TPRG1: variants seen among roughly 807,000 people sequenced by gnomAD.
The protein encoded by TPRG1 is tumor protein p63 regulated 1.
A neutral mutation model predicts 29.3 loss-of-function variants in TPRG1; 29 were observed. The ratio of observed to expected loss-of-function variants is 0.99; its 90% CI spans 0.74 to 1.35. The LOEUF (loss-of-function observed/expected upper bound fraction) is 1.35. Among genes scored for constraint, TPRG1 ranks in the 40% most tolerant of loss-of-function variants. The pLI, the probability that TPRG1 is intolerant of heterozygous loss-of-function variation, is 0.00. For synonymous variants in TPRG1, 130 were observed against 116.8 expected (o/e 1.11, Z -0.73); for missense variants, 327 against 335.0 (o/e 0.98, Z 0.19).
At chr3:189,265,417 C>T (rs976067882) in intron 4 of TPRG1, among the ~76,000 whole-genome samples, 1 of 152,136 alleles carries the variant, frequency 6.6e-6, no homozygotes, top group African/African-American at 2.4e-5. Flanking sequence ...ACATGACAAT[C>T]CTGTAAATTC....
chr3:189,045,357 A>G (rs1714910198), intron 4 of TPRG1, among the ~76,000 whole-genome samples: 1 of 152,238 alleles, frequency 6.6e-6, no homozygotes, highest in Admixed American at 6.5e-5. Flanking sequence ...TTGCTATTCA[A>G]CAATCATGGA....
At chr3:189,055,758 T>G (rs1442381138) in intron 4 of TPRG1, among the ~76,000 whole-genome samples, 1 of 152,126 alleles carries the variant, frequency 6.6e-6, no homozygotes, top group Non-Finnish European at 1.5e-5. Flanking sequence ...AAATTGGTAA[T>G]GAGGTCCAAG....
chr3:189,255,410 C>G (rs1165273995), intron 4 of TPRG1, among the ~76,000 whole-genome samples: 1 of 152,064 alleles, frequency 6.6e-6, no homozygotes, highest in Non-Finnish European at 1.5e-5. Context: ...TGATGTGCTG[C>G]TTGATTTGGT....
intron 1 of TPRG1, among the ~76,000 whole-genome samples, chr3:189,191,855 C>T (rs1364237395): frequency 6.6e-6 from 1 of 152,194 alleles, no homozygotes; most frequent in African/African-American, 2.4e-5. Flanking sequence ...GATCCTCTTT[C>T]AGGGAAGACT....
chr3:189,162,167 G>A (rs1727578524), intron 5 of TPRG1, among the ~76,000 whole-genome samples: 1 of 151,980 alleles, frequency 6.6e-6, no homozygotes, highest in Admixed American at 6.6e-5. Context: ...TAATTTTTTT[G>A]TAGTTTTTAG....
intron 4 of TPRG1, among the ~76,000 whole-genome samples, chr3:189,081,094 G>A (rs765576124): frequency 3.9e-5 from 6 of 152,260 alleles, no homozygotes; most frequent in Non-Finnish European, 7.4e-5. Flanking sequence ...TGGATAATTA[G>A]AAGAATAATT....
chr3:189,112,657 C>G lies in TPRG1; in HGVS notation c.-744+12453C>G, dbSNP rs56184957. Among the ~76,000 whole-genome samples, 12 of 152,026 alleles carry G rather than the reference C, an allele frequency of 7.9e-5. No homozygotes were observed. The East Asian group carries it at 1.9e-3, about 24-fold the overall frequency. ...AATCCTTTCCCCATTGCTTGTTTCT[C>G]TCAGGTTTGTCAAAGATCAGATAGT... is the stretch of plus-strand genomic sequence containing the variant. On this transcript the variant is annotated intron_variant, in intron 1 of 6. Coordinates refer to the TPRG1 transcript ENST00000412373.
chr3:189,152,637 C>G (rs4123569), intron 5 of TPRG1, among the ~76,000 whole-genome samples: 46,597 of 134,870 alleles, frequency 0.35, 10,185 homozygotes, highest in African/African-American at 0.6. Flanking sequence ...AAGTAGGATT[C>G]CTACCCGCCA....
intron 3 of TPRG1, among the ~76,000 whole-genome samples, chr3:189,236,037 T>C (rs1739407237): frequency 6.6e-6 from 1 of 152,216 alleles, no homozygotes; most frequent in Admixed American, 6.5e-5. Flanking sequence ...AATATGCAAT[T>C]TAATGTTTCT....
chr3:189,240,386 T>C (rs556269051), intron 4 of TPRG1: 5 of 152,282 alleles, frequency 3.3e-5, no homozygotes, highest in East Asian at 3.9e-4. Flanking sequence ...AAATAAATAG[T>C]CTATAAATAT....
At position 189,320,837 on chromosome 3, in the gene TPRG1, A is replaced by G. The variant is rs773616061; in HGVS notation, c.*17A>G. 1 of 1,536,150 alleles carries G rather than the reference A, an allele frequency of 6.5e-7. No homozygotes were observed. Among genetic ancestry groups the G allele is most frequent in the South Asian group, 1.3e-5 (1 of 77,018 alleles). On this transcript the variant is annotated 3_prime_UTR_variant, in exon 6 of 6. Transcript: ENST00000345063. The stretch of plus-strand genomic sequence containing the variant: ...GGTTTTTGAGAGTCTTTTTGGTACC[A>G]TAAGCATATCATCCACAGATATGTC...
rs780963311 is a variant in TPRG1, at chr3:189,207,516, G to C, written c.132G>C (p.Gln44His). 1 of 1,614,088 alleles carries C rather than the reference G, an allele frequency of 6.2e-7. No individual in the cohort carries two copies. ...EDPMPRQISR[Q>H]SSVTESTLYP... is the part of the protein sequence containing the mutation. ...CGATGCCAAGACAGATTTCAAGGCAGTCAAGTGTGACCGAATCAACTCTTT... is the reference window on the plus strand; with the variant it reads ...CGATGCCAAGACAGATTTCAAGGCACTCAAGTGTGACCGAATCAACTCTTT... Residue 44 changes from glutamine (Q) to histidine (H), a missense_variant, in exon 2 of 6, where the codon CAG (glutamine) becomes CAC (histidine). Transcript: ENST00000345063.
intron 4 of TPRG1, among the ~76,000 whole-genome samples, chr3:189,090,412 A>G (rs1718263505): frequency 6.9e-6 from 1 of 144,410 alleles, no homozygotes; most frequent in South Asian, 2.1e-4. Context: ...ATAGATATGC[A>G]AAGTGGAAAA....
At chr3:189,222,682 A>G (rs115072762) in intron 3 of TPRG1, among the ~76,000 whole-genome samples, 1,961 of 152,336 alleles carry the variant, frequency 0.013, 41 homozygotes, top group African/African-American at 0.045. Flanking sequence ...ATGTTCATGC[A>G]TAAGAATTTC....
intron 4 of TPRG1, among the ~76,000 whole-genome samples, chr3:189,252,105 G>C (rs979032051): frequency 2.6e-5 from 4 of 152,160 alleles, no homozygotes; most frequent in Admixed American, 6.6e-5. Context: ...TAAGGAGCAT[G>C]CTGCCTTCAA....
intron 4 of TPRG1, among the ~76,000 whole-genome samples, chr3:189,258,027 C>T (rs1712220321): frequency 6.6e-6 from 1 of 152,164 alleles, no homozygotes; most frequent in African/African-American, 2.4e-5. Flanking sequence ...ATTCTCAGTC[C>T]AGTTTTGTTC....
At chr3:189,081,052 T>C (rs542684847) in intron 4 of TPRG1, among the ~76,000 whole-genome samples, 34 of 152,154 alleles carry the variant, frequency 2.2e-4, no homozygotes, top group Admixed American at 1.4e-3. Context: ...AGGTAAAGAA[T>C]TGGTTAAAAA....
upstream of TPRG1, among the ~76,000 whole-genome samples, chr3:189,097,235 T>C (rs1288428633): frequency 6.6e-6 from 1 of 152,186 alleles, no homozygotes; most frequent in African/African-American, 2.4e-5. Context: ...AAGTTCCTGG[T>C]GGTGGATACA....
At chr3:189,074,279 C>T (rs1331021942) in intron 4 of TPRG1, among the ~76,000 whole-genome samples, 12 of 142,626 alleles carry the variant, frequency 8.4e-5, no homozygotes, top group African/African-American at 2.9e-4. Flanking sequence ...GATCTGCGCT[C>T]ATTGCAAGCT....
Sources: gnomAD v4.1 joint callset for allele counts (sites outside exome capture counted in the v4.1 genomes callset) on GRCh38, gnomAD v4.1.1 for gene constraint, MANE v1.5 for transcripts, NCBI Gene and HGNC (gene_info 2026-07-23, HGNC 2026-07-21) for gene names.